The following ANKFN1 variants were observed in gnomAD, a reference collection of about 807,000 sequenced individuals.
ANKFN1 encodes the protein ankyrin repeat and fibronectin type III domain containing 1.
A neutral mutation model predicts 108.7 loss-of-function variants in ANKFN1; 74 were observed. The ratio of observed to expected loss-of-function variants is 0.68; its 90% CI spans 0.56 to 0.83. The LOEUF is 0.83. Ranked by LOEUF, ANKFN1 falls within the 40% of genes least tolerant of loss-of-function variation. The pLI, the probability that ANKFN1 is intolerant of heterozygous loss-of-function variation, is 0.00. For missense variants in ANKFN1, 1,505 were observed against 1,382.3 expected, an observed-to-expected ratio of 1.09 and a Z score of -1.41; for synonymous variants, 547 against 516.2, an observed-to-expected ratio of 1.06 and a Z score of -0.81.
intron 3 of ANKFN1, among the ~76,000 whole-genome samples, chr17:56,312,840 A>G (rs1318563003): frequency 6.6e-6 from 1 of 152,170 alleles, no homozygotes; most frequent in African/African-American, 2.4e-5. Flanking sequence ...AGTAGTTACA[A>G]ACTATGGTTG....
intron 4 of ANKFN1, among the ~76,000 whole-genome samples, chr17:56,330,164 A>G (rs1297288554): frequency 6.6e-6 from 1 of 152,238 alleles, no homozygotes; most frequent in African/African-American, 2.4e-5. Context: ...AAATGTATAA[A>G]GGAAAGACTG....
At chr17:56,375,258 C>A (rs1567954559) in intron 8 of ANKFN1, among the ~76,000 whole-genome samples, 1 of 152,082 alleles carries the variant, frequency 6.6e-6, no homozygotes, top group African/African-American at 2.4e-5. Flanking sequence ...GATAAGTAGG[C>A]TTTGGCCTGG....
intron 15 of ANKFN1, among the ~76,000 whole-genome samples, chr17:56,475,321 A>G (rs1415607870): frequency 6.6e-6 from 1 of 152,202 alleles, no homozygotes; most frequent in Non-Finnish European, 1.5e-5. Context: ...CATCATATTC[A>G]TCTGAAACCC....
intron 3 of ANKFN1, among the ~76,000 whole-genome samples, chr17:56,275,395 G>A (rs1358035628): frequency 2.6e-5 from 4 of 151,778 alleles, no homozygotes; most frequent in Admixed American, 1.3e-4. Flanking sequence ...TAGAGGTTTC[G>A]GCTGAATACT....
upstream of ANKFN1, among the ~76,000 whole-genome samples, chr17:56,150,973 T>C (rs1908567679): frequency 6.6e-6 from 1 of 152,148 alleles, no homozygotes; most frequent in African/African-American, 2.4e-5. Flanking sequence ...CCAGGTGGAA[T>C]GATCAGCCTG....
intron 19 of ANKFN1, among the ~76,000 whole-genome samples, chr17:56,497,987 C>G (rs568796984): frequency 1.3e-5 from 2 of 152,246 alleles, no homozygotes; most frequent in East Asian, 3.9e-4. Context: ...CTTTCGTCAT[C>G]TATATATACA....
At position 56,510,894 on chromosome 17, in the gene ANKFN1, C is replaced by T. The variant is rs1381065841; in HGVS notation, c.3066C>T (p.Ser1022=). The T allele has an allele frequency of 2.0e-6, 3 of 1,536,054 alleles. No individual in the cohort carries two copies. The highest frequency in any genetic ancestry group is 1.7e-4 in the Middle Eastern group (1 of 6,012). Residue 1022 remains serine, a synonymous_variant, in exon 21 of 21, where the codon AGC becomes AGT. Coordinates refer to ENST00000682825, the MANE Select transcript of ANKFN1 (RefSeq NM_001370326.1). The part of the protein sequence containing the change: ...SRHHRWLRIH[S]ETQSLSLSEG... ...ATCATCGCTGGTTGCGCATCCACAGCGAGACCCAGTCGCTATCGCTCTCTG... is the reference window on the plus strand; with the variant it reads ...ATCATCGCTGGTTGCGCATCCACAGTGAGACCCAGTCGCTATCGCTCTCTG...
rs1225010272 is a variant in ANKFN1, at chr17:56,466,375, A to G, written c.1577A>G (p.Asn526Ser). 6.2e-7 allele frequency: 1 copy of G among 1,614,156 alleles called. No homozygotes were observed. Among genetic ancestry groups the G allele is most frequent in the Non-Finnish European group, 8.5e-7 (1 of 1,180,004 alleles). ...TTCCAGAATTTACTTGGGACACACAACTTGGGAAGAGTTTACTATGAGCCC... is the reference window on the plus strand; with the variant it reads ...TTCCAGAATTTACTTGGGACACACAGCTTGGGAAGAGTTTACTATGAGCCC... ...AQLQNLLGTH[N>S]LGRVYYEPIK... The change falls in exon 15 of 21, where the codon AAC (asparagine) becomes AGC (serine). Residue 526 changes from asparagine to serine, a missense_variant. By Grantham distance (46) the Asn-to-Ser change is conservative. Coordinates refer to ENST00000682825, the MANE Select transcript of ANKFN1 (RefSeq NM_001370326.1).
rs372322251 is a variant in ANKFN1 at position 56,315,753 on chromosome 17, G to T, written c.54-10468G>T. Among the ~76,000 whole-genome samples the T allele has an allele frequency of 2.3e-4, 35 of 152,272 alleles. No homozygotes were observed. In the East Asian group the frequency reaches 4.0e-3, roughly 18 times the overall value. ...AGCCCATTCAGACTCTGCTCTATCT[G>T]ATTTCATAGGAGTTCAGAGTCTGGG... is the stretch of plus-strand genomic sequence containing the variant. On this transcript the variant is annotated intron_variant, in intron 3 of 20. Transcript: ENST00000682825.
Position 56,144,156 on chromosome 17 carries a change from G to GAAAAA in ANKFN1, c.289-83736_289-83732dup, listed in dbSNP as rs59884444. The stretch of plus-strand genomic sequence containing the variant: ...GCCTGACACAAACAGAGGCGCATCT[G>GAAAAA]AAAAAAAAAAAAAAAAAAAAAAAAA... On this transcript the variant is annotated intron_variant, in intron 4 of 12. Coordinates refer to the ANKFN1 transcript ENST00000635860. Among the ~76,000 whole-genome samples the GAAAAA allele has an allele frequency of 8.6e-4, 35 of 40,552 alleles. 4 individuals are homozygous for GAAAAA. The highest frequency in any genetic ancestry group is 2.9e-3 in the African/African-American group (32 of 10,850). The allele number at this position is 40,552 out of a possible 152,430, so 26.6% of individuals were successfully genotyped here. A position where few individuals can be genotyped will look rare whatever the true frequency, so the allele number is the denominator to read the frequency against.
At chr17:56,206,133 T>A (rs1386044533) in intron 1 of ANKFN1, among the ~76,000 whole-genome samples, 1 of 152,314 alleles carries the variant, frequency 6.6e-6, no homozygotes, top group Admixed American at 6.5e-5. Flanking sequence ...TGATAAAAAA[T>A]TTTGGAGAAA....
chr17:56,472,666 AAGAC>A lies in ANKFN1; in HGVS notation c.1774-4814_1774-4811del, dbSNP rs934736036. On this transcript the variant is annotated intron_variant, in intron 15 of 20. Transcript: ENST00000682825. Reference sequence around the variant, plus strand: ...TACTTTTAAGGAATTCAGTCAAACGAAGACAGACAGATTTGTAAACAAATCAAGG... The same window carrying A: ...TACTTTTAAGGAATTCAGTCAAACGAAGACAGATTTGTAAACAAATCAAGG... 5 of 152,252 alleles carry A rather than the reference AAGAC, an allele frequency of 3.3e-5. 1 individual carries two copies. Among genetic ancestry groups the A allele is most frequent in the African/African-American group, 1.2e-4 (5 of 41,454 alleles). 9.4% of individuals were successfully genotyped at this position (152,252 alleles called of 1,614,324 possible). A position where few individuals can be genotyped will look rare whatever the true frequency, so the allele number is the denominator to read the frequency against.
intron 4 of ANKFN1, among the ~76,000 whole-genome samples, chr17:56,139,965 T>C (rs1907821205): frequency 6.6e-6 from 1 of 152,250 alleles, no homozygotes; most frequent in Non-Finnish European, 1.5e-5. Flanking sequence ...TTCTATCCCT[T>C]GGAGCAGCTG....
intron 1 of ANKFN1, among the ~76,000 whole-genome samples, chr17:56,165,522 A>T (rs149386088): frequency 8.9e-4 from 136 of 152,302 alleles, no homozygotes; most frequent in Admixed American, 2.2e-3. Flanking sequence ...AATTTCTCAG[A>T]GTTCTAGTGG....
At chr17:56,449,311 C>G (rs2049407734) in intron 11 of ANKFN1, 125 bp downstream of exon 11, 1 of 618,774 alleles carries the variant, frequency 1.6e-6, no homozygotes, top group Non-Finnish European at 2.7e-6. Flanking sequence ...ATTTGTACAT[C>G]TGGAATCACT....
intron 4 of ANKFN1, among the ~76,000 whole-genome samples, chr17:56,108,497 C>T (rs78240546): frequency 0.032 from 4,912 of 152,254 alleles, 213 homozygotes; most frequent in African/African-American, 0.097. Flanking sequence ...CCATTGCAAA[C>T]ATTGGATATT....
chr17:56,265,616 T>C (rs910699493), intron 3 of ANKFN1, among the ~76,000 whole-genome samples: 30 of 152,180 alleles, frequency 2.0e-4, no homozygotes, highest in African/African-American at 6.5e-4. Flanking sequence ...TATAGGACTG[T>C]ACAGCTGGCC....
At position 56,170,774 on chromosome 17, in the gene ANKFN1, TTATATATATATA is replaced by T. The variant is rs60304505; in HGVS notation, c.-71+17267_-71+17278del. On this transcript the variant is annotated intron_variant, in intron 1 of 20. Transcript: ENST00000682825. ...TGAGACTCTGTCAAGAAAAAATTTT[TTATATATATATA>T]TATATATATATATATATATATACAC... is the stretch of plus-strand genomic sequence containing the variant. Among the ~76,000 whole-genome samples the T allele has an allele frequency of 1.9e-4, 13 of 68,110 alleles. 1 individual carries two copies. The highest frequency in any genetic ancestry group is 7.3e-4 in the African/African-American group (9 of 12,350). The allele number at this position is 68,110 out of a possible 152,430, so 44.7% of individuals were successfully genotyped here.
At chr17:56,191,894 T>G (rs2143696981) in intron 1 of ANKFN1, among the ~76,000 whole-genome samples, 1 of 151,130 alleles carries the variant, frequency 6.6e-6, no homozygotes, top group South Asian at 2.1e-4. Flanking sequence ...CCCATATTTC[T>G]TGGAGGCTTT....
Sources: gnomAD v4.1 joint callset for allele counts (sites outside exome capture counted in the v4.1 genomes callset) on GRCh38, gnomAD v4.1.1 for gene constraint, MANE v1.5 for transcripts, NCBI Gene and HGNC (gene_info 2026-07-23, HGNC 2026-07-21) for gene names.